The following KIF5C variants were observed in gnomAD, a reference collection of about 807,000 sequenced individuals.
The protein encoded by KIF5C is kinesin heavy chain isoform 5C.
A neutral mutation model predicts 125.2 loss-of-function variants in KIF5C; 18 were observed. The observed-to-expected ratio is 0.14, with a 90% CI of 0.10 to 0.21. The LOEUF is 0.21. Ranked by LOEUF, KIF5C falls within the 10% of genes least tolerant of loss-of-function variation. The pLI is 1.00. For synonymous variants in KIF5C, 405 were observed against 434.0 expected (o/e 0.93, Z 0.83); for missense variants, 780 against 1,183.8 (o/e 0.66, Z 5.01).
intron 16 of KIF5C, among the ~76,000 whole-genome samples, chr2:148,994,156 T>C (rs1681601253): frequency 6.6e-6 from 1 of 152,156 alleles, no homozygotes; most frequent in Non-Finnish European, 1.5e-5. Flanking sequence ...GCCTTTGGCA[T>C]CTCATGTTAA....
rs1488430204 is a variant in KIF5C, at chr2:148,997,447, G to A, written c.2100+107G>A. ...TCACCTTCAGATCCGTATATGGCAA[G>A]GGACAGGGGAGGGGCTGTTGTTGGG... On this transcript the variant is annotated intron_variant, in intron 18 of 25. Transcript: ENST00000435030. 3 of 1,550,954 alleles carry A rather than the reference G, an allele frequency of 1.9e-6. No individual in the cohort carries two copies. The Admixed American group carries it at 5.8e-5, about 30-fold the overall frequency.
At chr2:148,889,584 T>A (rs369170966) in intron 1 of KIF5C, among the ~76,000 whole-genome samples, 3 of 152,200 alleles carry the variant, frequency 2.0e-5, no homozygotes, top group Non-Finnish European at 4.4e-5. Flanking sequence ...TGCTATTGCA[T>A]TGGATGAACT....
At chr2:148,941,150 G>T (rs1665505069) in intron 4 of KIF5C, among the ~76,000 whole-genome samples, 1 of 152,136 alleles carries the variant, frequency 6.6e-6, no homozygotes, top group Non-Finnish European at 1.5e-5. Context: ...CTCTTGCTCA[G>T]TTACCTTTCT....
At chr2:148,960,997 A>C (rs1444132457) in intron 10 of KIF5C, among the ~76,000 whole-genome samples, 1 of 151,978 alleles carries the variant, frequency 6.6e-6, no homozygotes, top group Non-Finnish European at 1.5e-5. Flanking sequence ...TTTTGGTATC[A>C]CTTGGTGCAG....
chr2:148,987,926 G>A (rs1681425268), intron 15 of KIF5C, among the ~76,000 whole-genome samples: 2 of 152,130 alleles, frequency 1.3e-5, no homozygotes, highest in Admixed American at 6.5e-5. Flanking sequence ...TCATCATCGT[G>A]CACAGCCACT....
At chr2:148,929,478 A>G (rs1682121734) in intron 3 of KIF5C, 124 bp downstream of exon 3, 2 of 623,872 alleles carry the variant, frequency 3.2e-6, no homozygotes, top group Non-Finnish European at 5.6e-6. Context: ...TGTTTGGCCA[A>G]TTAATTATGT....
At chr2:148,989,585 T>C (rs1389322266) in intron 15 of KIF5C, among the ~76,000 whole-genome samples, 1 of 152,264 alleles carries the variant, frequency 6.6e-6, no homozygotes, top group South Asian at 2.1e-4. Flanking sequence ...GTGGTTGTAC[T>C]AGTTTACGTT....
In KIF5C at chr2:148,894,703, A is replaced by ATATATATATATATAT. The variant is rs1558875720; in HGVS notation, c.126+18960_126+18961insTATATATATATATAT. Among the ~76,000 whole-genome samples the ATATATATATATATAT allele has an allele frequency of 1.7e-3, 247 of 147,508 alleles. 3 individuals carry two copies. The highest frequency in any genetic ancestry group is 5.8e-3 in the African/African-American group (235 of 40,472). On this transcript the variant is annotated intron_variant, in intron 1 of 25. Coordinates refer to ENST00000435030, the MANE Select transcript of KIF5C (RefSeq NM_004522.3). ...CTTACATTTCAAATAAGTTTAGTACAATATATATATATATATATAGGGTGG... is the reference window on the plus strand; with the variant it reads ...CTTACATTTCAAATAAGTTTAGTACATATATATATATATATATATATATATATATATATAGGGTGG...
At chr2:148,901,712 A>G (rs1427130382) in intron 1 of KIF5C, among the ~76,000 whole-genome samples, 1 of 152,160 alleles carries the variant, frequency 6.6e-6, no homozygotes, top group Admixed American at 6.5e-5. Context: ...CACCCATGTC[A>G]GATACCCCAG....
intron 1 of KIF5C, chr2:148,878,102 A>G (rs1276640822): frequency 6.6e-6 from 1 of 152,196 alleles, no homozygotes; most frequent in Non-Finnish European, 1.5e-5. Context: ...GAAATGAAGC[A>G]TTCATATAGA....
In KIF5C at chr2:148,941,937, T is replaced by A. The variant is rs775613404; in HGVS notation, c.448T>A (p.Ser150Thr). Residue 150 changes from serine to threonine, a missense_variant and splice_region_variant, in exon 6 of 26, where the codon TCC becomes ACC. Ser to Thr is a moderately conservative substitution (Grantham distance 58). This residue lies in a region of KIF5C where 207 missense variants were observed against 441.2 expected (regional missense o/e 0.47). Transcript: ENST00000435030. ...LDKIRDLLDV[S>T]KTNLAVHEDK... is the part of the protein sequence containing the mutation. ...TGCTGTCATTCTCATCTTTTTAGTATCCAAGACCAACTTGGCTGTTCATGA... is the reference window on the plus strand; with the variant it reads ...TGCTGTCATTCTCATCTTTTTAGTAACCAAGACCAACTTGGCTGTTCATGA... The A allele has an allele frequency of 3.1e-6, 5 of 1,611,996 alleles. No individual in the cohort carries two copies. In the East Asian group the frequency reaches 1.1e-4, roughly 36 times the overall value.
chr2:148,971,935 T>A (rs987902808), intron 11 of KIF5C, among the ~76,000 whole-genome samples: 1 of 152,112 alleles, frequency 6.6e-6, no homozygotes, highest in Non-Finnish European at 1.5e-5. Context: ...TTATTTTTAT[T>A]TATTTATTTA....
intron 1 of KIF5C, among the ~76,000 whole-genome samples, chr2:148,887,335 C>T (rs920500819): frequency 3.3e-5 from 5 of 151,870 alleles, no homozygotes; most frequent in Admixed American, 1.3e-4. Context: ...TTGGACAGCA[C>T]GGCTCTAACA....
At chr2:148,919,560 G>A (rs2105078649) in intron 1 of KIF5C, among the ~76,000 whole-genome samples, 1 of 152,316 alleles carries the variant, frequency 6.6e-6, no homozygotes, top group Middle Eastern at 3.4e-3. Context: ...GGCTACTGGG[G>A]AAGGGTCTTT....
At chr2:148,981,266 G>T (rs1681227524) in intron 13 of KIF5C, 89 bp from the exon 14 acceptor site, 2 of 1,447,944 alleles carry the variant, frequency 1.4e-6, no homozygotes, top group Non-Finnish European at 1.8e-6. Flanking sequence ...CTTATATCTG[G>T]TTTTTAAATT....
chr2:148,904,333 A>G (rs1183069832), intron 1 of KIF5C, among the ~76,000 whole-genome samples: 1 of 152,224 alleles, frequency 6.6e-6, no homozygotes, highest in Non-Finnish European at 1.5e-5. Flanking sequence ...TGGATCTGCC[A>G]CTTACAATAG....
At chr2:148,933,727 G>C (rs1020636365) in intron 3 of KIF5C, among the ~76,000 whole-genome samples, 1 of 137,528 alleles carries the variant, frequency 7.3e-6, no homozygotes, top group Non-Finnish European at 1.6e-5. Flanking sequence ...CACACACCAC[G>C]CCTCCCACAT....
chr2:148,919,555 C>T lies in KIF5C; in HGVS notation c.127-2582C>T, dbSNP rs529519815. On this transcript the variant is annotated intron_variant, in intron 1 of 25. Coordinates refer to ENST00000435030, the MANE Select transcript of KIF5C (RefSeq NM_004522.3). ...GGCAATCTTGCCTCCTTGGGGGCTA[C>T]TGGGGAAGGGTCTTTGTTCAAGTCT... Among the ~76,000 whole-genome samples, 172 of 152,258 alleles carry T rather than the reference C, an allele frequency of 1.1e-3. 1 individual carries two copies. Among genetic ancestry groups the T allele is most frequent in the African/African-American group, 3.5e-3 (144 of 41,542 alleles).
intron 3 of KIF5C, among the ~76,000 whole-genome samples, chr2:148,935,652 A>G (rs1439987080): frequency 6.6e-6 from 1 of 152,228 alleles, no homozygotes; most frequent in African/African-American, 2.4e-5. Flanking sequence ...ATTGTCAGGG[A>G]TAGAAATGTG....
Sources: gnomAD v4.1 joint callset for allele counts (sites outside exome capture counted in the v4.1 genomes callset) on GRCh38, gnomAD v4.1.1 for gene constraint, gnomAD v4.1.1 regional missense constraint, MANE v1.5 for transcripts, NCBI Gene and HGNC (gene_info 2026-07-23, HGNC 2026-07-21) for gene names.